RUNDC3B: variants seen among roughly 807,000 people sequenced by gnomAD.
The protein encoded by RUNDC3B is RUN domain-containing protein 3B.
Under a neutral mutation model 58.4 loss-of-function variants are expected in RUNDC3B, and 33 were observed. The ratio of observed to expected loss-of-function variants is 0.56; its 90% CI spans 0.43 to 0.75. The LOEUF (loss-of-function observed/expected upper bound fraction) is 0.75. Ranked by LOEUF, RUNDC3B falls within the 30% of genes least tolerant of loss-of-function variation. The pLI, the probability that RUNDC3B is intolerant of heterozygous loss-of-function variation, is 0.00. For missense variants in RUNDC3B, 501 were observed against 535.7 expected, an observed-to-expected ratio of 0.94 and a Z score of 0.64; for synonymous variants, 193 against 195.2, an observed-to-expected ratio of 0.99 and a Z score of 0.10.
chr7:87,761,222 A>G (rs1162918180), intron 6 of RUNDC3B, among the ~76,000 whole-genome samples: 4 of 151,992 alleles, frequency 2.6e-5, no homozygotes, highest in Non-Finnish European at 4.4e-5. Flanking sequence ...AGCACATGAA[A>G]TGATACTCAA....
intron 4 of RUNDC3B, among the ~76,000 whole-genome samples, chr7:87,732,271 T>C (rs748844036): frequency 5.9e-5 from 9 of 152,052 alleles, no homozygotes; most frequent in Admixed American, 3.9e-4. Flanking sequence ...ACTTAGAATG[T>C]TTATAGCAAG....
At chr7:87,788,703 C>CTTTTTTTTTTTTTT (rs5885597) in intron 8 of RUNDC3B, among the ~76,000 whole-genome samples, 29 of 128,278 alleles carry the variant, frequency 2.3e-4, no homozygotes, top group Non-Finnish European at 2.7e-4. Context: ...CTTTTCAAAA[C>CTTTTTTTTTTTTTT]TTTTTTTTTT....
In RUNDC3B at chr7:87,628,584, C is replaced by CGTGCGT. The variant is rs1468348829; in HGVS notation, c.-237_-236insCGTGTG. The stretch of plus-strand genomic sequence containing the variant: ...CGAGGGCGGAGGTGGTGCGTGCGTG[C>CGTGCGT]GTGTGTGTGTGTGTGTGTGTGTGTG... On this transcript the variant is annotated 5_prime_UTR_variant, in exon 1 of 11. Coordinates refer to ENST00000394654, the MANE Select transcript of RUNDC3B (RefSeq NM_001134405.2). The CGTGCGT allele has an allele frequency of 9.7e-4, 283 of 290,704 alleles. 2 individuals are homozygous for CGTGCGT. Among genetic ancestry groups the CGTGCGT allele is most frequent in the Admixed American group, 1.8e-3 (34 of 18,866 alleles). The allele number at this position is 290,704 out of a possible 1,614,324, so 18.0% of individuals were successfully genotyped here. A position where few individuals can be genotyped will look rare whatever the true frequency, so the allele number is the denominator to read the frequency against.
rs1245427018 is a variant in RUNDC3B at position 87,703,887 on chromosome 7, TTTTTTTTTTTTTTTTTTTTTTTTTTGG to T, written c.372+3359_372+3385del. On this transcript the variant is annotated intron_variant, in intron 3 of 10. Transcript: ENST00000394654. ...TAGGTGAGCTTTATCAGTTTTTTCTTTTTTTTTTTTTTTTTTTTTTTTTTTGGTTTTTTTTTTTTTTTTTTTTTTTTT... is the reference window on the plus strand; with the variant it reads ...TAGGTGAGCTTTATCAGTTTTTTCTTTTTTTTTTTTTTTTTTTTTTTTTTT... 3.6e-3 allele frequency among the ~76,000 whole-genome samples: 193 copies of T among 52,956 alleles called. 3 individuals carry two copies. The highest frequency in any genetic ancestry group is 4.9e-3 in the Non-Finnish European group (138 of 28,356). The allele number at this position is 52,956 out of a possible 152,430, so 34.7% of individuals were successfully genotyped here. A position where few individuals can be genotyped will look rare whatever the true frequency, so the allele number is the denominator to read the frequency against.
rs1824128599 is a variant in RUNDC3B at position 87,656,593 on chromosome 7, T to A, written c.238+5656T>A. On this transcript the variant is annotated intron_variant, in intron 2 of 10. Coordinates refer to ENST00000394654, the MANE Select transcript of RUNDC3B (RefSeq NM_001134405.2). ...GGAAGATAAAGGGGGAGGAGGAAAA[T>A]AGAATAAAGAAGAGAAAGACGTTAG... Among the ~76,000 whole-genome samples, 7 of 151,806 alleles carry A rather than the reference T, an allele frequency of 4.6e-5. No homozygotes were observed. The South Asian group carries it at 1.5e-3, about 32-fold the overall frequency.
chr7:87,710,989 T>G lies in RUNDC3B; in HGVS notation c.458+334T>G, dbSNP rs570222057. Reference sequence around the variant, plus strand: ...TTAAGTATGAAATTTCAATAGCATCTTTTTTCTTTTCACCTCAGTATTTCC... The same window carrying G: ...TTAAGTATGAAATTTCAATAGCATCGTTTTTCTTTTCACCTCAGTATTTCC... On this transcript the variant is annotated intron_variant, in intron 4 of 10. Coordinates refer to ENST00000394654, the MANE Select transcript of RUNDC3B (RefSeq NM_001134405.2). 1.8e-4 allele frequency among the ~76,000 whole-genome samples: 28 copies of G among 152,296 alleles called. 1 individual carries two copies. The South Asian group carries it at 4.1e-3, about 23-fold the overall frequency.
intron 6 of RUNDC3B, among the ~76,000 whole-genome samples, chr7:87,745,577 T>C (rs966873935): frequency 3.3e-5 from 5 of 152,204 alleles, no homozygotes; most frequent in African/African-American, 9.6e-5. Context: ...CCATCTCATC[T>C]AGGTTTTCTA....
In RUNDC3B at chr7:87,777,676, A is replaced by G; in HGVS notation, c.799-122A>G. 5.8e-6 allele frequency: 4 copies of G among 690,594 alleles called. No homozygotes were observed. In the South Asian group the frequency reaches 9.2e-5, roughly 16 times the overall value. 42.8% of individuals were successfully genotyped at this position (690,594 alleles called of 1,614,324 possible). On this transcript the variant is annotated intron_variant, in intron 7 of 10. Coordinates refer to ENST00000394654, the MANE Select transcript of RUNDC3B (RefSeq NM_001134405.2). ...CAAATTTTTTACTAATTTATCAGTA[A>G]TGCTTTGAAATTGTTTCATTACAAT...
At chr7:87,766,871 A>C (rs78011947) in intron 6 of RUNDC3B, among the ~76,000 whole-genome samples, 7,446 of 152,140 alleles carry the variant, frequency 0.049, 273 homozygotes, top group East Asian at 0.092. Context: ...TTCTCTCTCA[A>C]GAATAGCCAA....
chr7:87,715,983 A>G (rs919684711), intron 4 of RUNDC3B, among the ~76,000 whole-genome samples: 3 of 152,200 alleles, frequency 2.0e-5, no homozygotes, highest in African/African-American at 7.2e-5. Flanking sequence ...ATGATTGCAT[A>G]TAGGCAATTT....
At chr7:87,818,232 G>C (rs549708026) in intron 10 of RUNDC3B, among the ~76,000 whole-genome samples, 1 of 152,194 alleles carries the variant, frequency 6.6e-6, no homozygotes, top group African/African-American at 2.4e-5. Context: ...GAGTAATAAT[G>C]AGCATTTTGA....
intron 2 of RUNDC3B, among the ~76,000 whole-genome samples, chr7:87,684,429 T>C (rs868436291): frequency 2.0e-5 from 3 of 152,194 alleles, no homozygotes; most frequent in Non-Finnish European, 4.4e-5. Context: ...TTTTAAGACT[T>C]ACTGTTAAGA....
At chr7:87,813,630 G>A (rs897338463) in intron 9 of RUNDC3B, among the ~76,000 whole-genome samples, 3 of 152,074 alleles carry the variant, frequency 2.0e-5, no homozygotes, top group Non-Finnish European at 2.9e-5. Flanking sequence ...GAAAGGAAAT[G>A]TATTTATAAC....
At chr7:87,687,050 A>T (rs1472924349) in intron 2 of RUNDC3B, among the ~76,000 whole-genome samples, 2 of 152,186 alleles carry the variant, frequency 1.3e-5, no homozygotes, top group Admixed American at 1.3e-4. Context: ...AAATGATTAA[A>T]TGTAAGACAC....
chr7:87,739,819 T>G lies in RUNDC3B; in HGVS notation c.487T>G (p.Leu163Val). The change falls in exon 5 of 11, where the codon TTG (leucine) becomes GTG (valine). Residue 163 changes from leucine to valine, a missense_variant. Transcript: ENST00000394654. ...RRFYEDGAIVLGEEANMLAGM... is the reference protein window; with the variant it reads ...RRFYEDGAIVVGEEANMLAGM... ...ATTTTATGAAGATGGAGCAATTGTCTTGGGTGAAGAAGCAAATATGCTTGC... is the reference window on the plus strand; with the variant it reads ...ATTTTATGAAGATGGAGCAATTGTCGTGGGTGAAGAAGCAAATATGCTTGC... 1 of 1,593,670 alleles carries G rather than the reference T, an allele frequency of 6.3e-7. No homozygotes were observed. Among genetic ancestry groups the G allele is most frequent in the Non-Finnish European group, 8.6e-7 (1 of 1,164,546 alleles).
chr7:87,650,973 G>C, intron 2 of RUNDC3B, 36 bp downstream of exon 2: 1 of 1,223,878 alleles, frequency 8.2e-7, no homozygotes, highest in Non-Finnish European at 1.2e-6. Context: ...TTTCCCACCA[G>C]CTGTCTTTAT....
rs547198225 is a variant in RUNDC3B, at chr7:87,692,104, A to T, written c.239-8317A>T. Among the ~76,000 whole-genome samples, 6 of 152,290 alleles carry T rather than the reference A, an allele frequency of 3.9e-5. No individual in the cohort carries two copies. In the South Asian group the frequency reaches 1.2e-3, roughly 32 times the overall value. The stretch of plus-strand genomic sequence containing the variant: ...TTTCCCATGGTCTTTCACAGCCAAA[A>T]TGAAAATCAGGGCACAGAGGCTAGC... On this transcript the variant is annotated intron_variant, in intron 2 of 10. Coordinates refer to ENST00000394654, the MANE Select transcript of RUNDC3B (RefSeq NM_001134405.2).
chr7:87,732,733 G>T (rs1169385107), intron 4 of RUNDC3B, among the ~76,000 whole-genome samples: 1 of 152,176 alleles, frequency 6.6e-6, no homozygotes, highest in Non-Finnish European at 1.5e-5. Flanking sequence ...GGGTAGGTTA[G>T]TGAGGGATTT....
In RUNDC3B at chr7:87,743,275, A is replaced by G. The variant is rs139707402; in HGVS notation, c.629+1696A>G. On this transcript the variant is annotated intron_variant, in intron 6 of 10. Coordinates refer to ENST00000394654, the MANE Select transcript of RUNDC3B (RefSeq NM_001134405.2). Reference sequence around the variant, plus strand: ...AGTTGCGAATTGTGCTGCTATAAACATGCGTGTGCAAGTATCTTTTTCAAA... The same window carrying G: ...AGTTGCGAATTGTGCTGCTATAAACGTGCGTGTGCAAGTATCTTTTTCAAA... Among the ~76,000 whole-genome samples the G allele has an allele frequency of 4.3e-3, 655 of 152,346 alleles. 2 individuals are homozygous for G. Among genetic ancestry groups the G allele is most frequent in the Admixed American group, 7.8e-3 (120 of 15,304 alleles).
Sources: gnomAD v4.1 joint callset for allele counts (sites outside exome capture counted in the v4.1 genomes callset) on GRCh38, gnomAD v4.1.1 for gene constraint, MANE v1.5 for transcripts, NCBI Gene and HGNC (gene_info 2026-07-23, HGNC 2026-07-21) for gene names.